ADK: variants seen among roughly 807,000 people sequenced by gnomAD.
The protein encoded by ADK is N6,N6-dimethyladenosine kinase.
ADK carries 24 observed loss-of-function variants against 44.7 expected under a neutral mutation model. The ratio of observed to expected loss-of-function variants is 0.54; its 90% CI spans 0.39 to 0.76. The LOEUF (loss-of-function observed/expected upper bound fraction) is 0.76. Ranked by LOEUF, ADK falls within the 30% of genes least tolerant of loss-of-function variation. The probability of loss-of-function intolerance (pLI) is 0.00; values close to 1 mark genes in which losing one functional copy is unlikely to be tolerated. For synonymous variants in ADK, 128 were observed against 142.6 expected (o/e 0.90, Z 0.73); for missense variants, 321 against 425.1 (o/e 0.76, Z 2.15).
At chr10:74,580,611 C>G (rs1851341333) in intron 7 of ADK, among the ~76,000 whole-genome samples, 1 of 151,396 alleles carries the variant, frequency 6.6e-6, no homozygotes, top group African/African-American at 2.4e-5. Flanking sequence ...TGCACAAGCT[C>G]TCTCTCTTTG....
At chr10:74,547,862 TAGTC>T (rs1849894259) in intron 7 of ADK, among the ~76,000 whole-genome samples, 2 of 152,040 alleles carry the variant, frequency 1.3e-5, no homozygotes, top group Non-Finnish European at 2.9e-5. Flanking sequence ...TTCTCCATGT[TAGTC>T]AGGCTGGTCT....
At chr10:74,370,938 G>T (rs1322011665) in intron 4 of ADK, among the ~76,000 whole-genome samples, 1 of 151,894 alleles carries the variant, frequency 6.6e-6, no homozygotes. Context: ...TTCAAAGTAG[G>T]GTTTTGCAAT....
chr10:74,669,189 T>C (rs1225227468), intron 9 of ADK, among the ~76,000 whole-genome samples: 1 of 152,170 alleles, frequency 6.6e-6, no homozygotes, highest in Non-Finnish European at 1.5e-5. Flanking sequence ...AGACAGAATA[T>C]GCTTTTGAAG....
chr10:74,569,792 T>C (rs1301762526), intron 7 of ADK, among the ~76,000 whole-genome samples: 2 of 152,254 alleles, frequency 1.3e-5, no homozygotes, highest in African/African-American at 4.8e-5. Flanking sequence ...ATCCCATTTG[T>C]CAATTTTGAC....
intron 3 of ADK, among the ~76,000 whole-genome samples, chr10:74,312,756 C>CA (rs1314445023): frequency 2.1e-5 from 3 of 144,324 alleles, no homozygotes; most frequent in South Asian, 2.2e-4. Context: ...AAAAAAAATA[C>CA]AAAAAAAATT....
intron 3 of ADK, among the ~76,000 whole-genome samples, chr10:74,278,674 T>C (rs1280311598): frequency 6.6e-6 from 1 of 152,144 alleles, no homozygotes; most frequent in Non-Finnish European, 1.5e-5. Flanking sequence ...TTTATTTTTA[T>C]TTTTAGAGTT....
chr10:74,556,862 C>T lies in ADK; in HGVS notation c.726+31436C>T, dbSNP rs146517073. Among the ~76,000 whole-genome samples, 5 of 152,130 alleles carry T rather than the reference C, an allele frequency of 3.3e-5. No individual in the cohort carries two copies. The East Asian group carries it at 5.8e-4, about 18-fold the overall frequency. On this transcript the variant is annotated intron_variant, in intron 7 of 10. Transcript: ENST00000539909. ...ATTTCAGTGCCTGGTGGTATCAGGC[C>T]GTATTTATGCCTTACTATCACATTT... is the stretch of plus-strand genomic sequence containing the variant.
At chr10:74,569,021 G>A (rs1056749806) in intron 7 of ADK, among the ~76,000 whole-genome samples, 2 of 148,130 alleles carry the variant, frequency 1.4e-5, no homozygotes, top group African/African-American at 5.0e-5. Flanking sequence ...GTGAGAACAT[G>A]CATTGTTTGG....
chr10:74,702,824 C>G (rs1325628670), intron 10 of ADK, among the ~76,000 whole-genome samples: 1 of 152,044 alleles, frequency 6.6e-6, no homozygotes, highest in Non-Finnish European at 1.5e-5. Context: ...GTCTCAAACT[C>G]CTGACCTCAT....
At chr10:74,303,199 G>A (rs1840118704) in intron 3 of ADK, among the ~76,000 whole-genome samples, 1 of 152,104 alleles carries the variant, frequency 6.6e-6, no homozygotes, top group Non-Finnish European at 1.5e-5. Context: ...GTTACAAAAG[G>A]ATTATTGACA....
chr10:74,612,417 A>AG (rs1409916081), intron 9 of ADK, among the ~76,000 whole-genome samples: 1 of 152,044 alleles, frequency 6.6e-6, no homozygotes, highest in East Asian at 1.9e-4. Context: ...CACCATGCCT[A>AG]GCTGTATGTC....
intron 6 of ADK, among the ~76,000 whole-genome samples, chr10:74,501,585 C>CA (rs949101960): frequency 6.6e-6 from 1 of 151,726 alleles, no homozygotes; most frequent in Non-Finnish European, 1.5e-5. Flanking sequence ...AAATATTATG[C>CA]AAAAAAATTG....
At chr10:74,527,878 A>G in intron 7 of ADK, 1 of 871,064 alleles carries the variant, frequency 1.1e-6, no homozygotes, top group South Asian at 1.3e-5. Context: ...ATACGTCAGT[A>G]CAGGAAAAGG....
intron 9 of ADK, among the ~76,000 whole-genome samples, chr10:74,604,507 G>A (rs986265150): frequency 5.3e-5 from 8 of 152,068 alleles, no homozygotes; most frequent in African/African-American, 1.9e-4. Flanking sequence ...ATTAAATAGG[G>A]ATTCTTTTCC....
intron 9 of ADK, among the ~76,000 whole-genome samples, chr10:74,648,539 G>A (rs1471567049): frequency 7.9e-5 from 12 of 151,878 alleles, no homozygotes; most frequent in Admixed American, 2.0e-4. Flanking sequence ...TTCGCTGGGC[G>A]TGGTGGCACA....
chr10:74,182,348 TTTTATTTA>T (rs370735383), intron 1 of ADK, among the ~76,000 whole-genome samples: 80 of 145,726 alleles, frequency 5.5e-4, no homozygotes, highest in South Asian at 4.8e-3. Context: ...ACAGAAATCT[TTTTATTTA>T]TTTATTTATT....
chr10:74,290,997 A>C (rs754333739), intron 3 of ADK, among the ~76,000 whole-genome samples: 5 of 152,206 alleles, frequency 3.3e-5, no homozygotes, highest in African/African-American at 1.2e-4. Flanking sequence ...AATAAGTGCT[A>C]TGGGAGATTT....
intron 6 of ADK, among the ~76,000 whole-genome samples, chr10:74,442,315 A>G (rs899403181): frequency 1.3e-5 from 2 of 152,186 alleles, no homozygotes; most frequent in Non-Finnish European, 2.9e-5. Flanking sequence ...AAACAGAACT[A>G]CTATATAATC....
At chr10:74,202,801 G>T (rs1447285141) in intron 2 of ADK, among the ~76,000 whole-genome samples, 1 of 151,938 alleles carries the variant, frequency 6.6e-6, no homozygotes, top group Non-Finnish European at 1.5e-5. Context: ...TTTTAATTGG[G>T]TCGTTGTCTT....
Sources: allele counts gnomAD v4.1 joint callset (sites outside exome capture counted in the v4.1 genomes callset), GRCh38; gene constraint gnomAD v4.1.1; transcripts MANE v1.5; gene names NCBI Gene and HGNC (gene_info 2026-07-23, HGNC 2026-07-21).